Variants in AUTS2 observed in about 807,000 individuals in gnomAD.
AUTS2 encodes the protein activator of transcription and developmental regulator AUTS2.
AUTS2 carries 17 observed loss-of-function variants against 112.4 expected under a neutral mutation model. The ratio of observed to expected loss-of-function variants is 0.15; its 90% CI spans 0.10 to 0.23. The LOEUF is 0.23. Among genes scored for constraint, AUTS2 ranks in the 10% least tolerant of loss-of-function variants. The pLI is 1.00. For missense variants in AUTS2, 1,510 were observed against 1,701.6 expected (o/e 0.89, Z 1.98); for synonymous variants, 751 against 702.7 (o/e 1.07, Z -1.09).
chr7:70,752,326 T>C (rs912628220), intron 6 of AUTS2, among the ~76,000 whole-genome samples: 2 of 152,188 alleles, frequency 1.3e-5, no homozygotes, highest in Non-Finnish European at 2.9e-5. Flanking sequence ...GGAGTTTTCC[T>C]GTGTTCTTGG....
At chr7:70,775,207 A>G in intron 12 of AUTS2, 150 bp from the exon 13 acceptor site, 1 of 686,024 alleles carries the variant, frequency 1.5e-6, no homozygotes, top group Non-Finnish European at 2.5e-6. Context: ...ATAGTGTGAA[A>G]ATGGGTTAAT....
chr7:70,243,258 TG>T, intron 4 of AUTS2, among the ~76,000 whole-genome samples: 1 of 151,268 alleles, frequency 6.6e-6, no homozygotes, highest in Non-Finnish European at 1.5e-5. Context: ...TGTGTGTGTG[TG>T]TGTGTGTGTG....
intron 1 of AUTS2, among the ~76,000 whole-genome samples, chr7:69,804,595 T>A (rs1019227732): frequency 1.3e-5 from 2 of 152,230 alleles, no homozygotes; most frequent in Non-Finnish European, 2.9e-5. Context: ...CAGACTTTGC[T>A]TTATCATTCT....
chr7:69,656,779 T>C (rs1795561067), intron 1 of AUTS2, among the ~76,000 whole-genome samples: 1 of 152,206 alleles, frequency 6.6e-6, no homozygotes, highest in Non-Finnish European at 1.5e-5. Flanking sequence ...ATGTGGCTTC[T>C]GTGGGCATAT....
chr7:70,522,692 AT>A (rs1249840258), intron 5 of AUTS2, among the ~76,000 whole-genome samples: 2 of 152,104 alleles, frequency 1.3e-5, no homozygotes, highest in Non-Finnish European at 2.9e-5. Flanking sequence ...CATTTTCTTT[AT>A]CCAGTCCACT....
intron 4 of AUTS2, among the ~76,000 whole-genome samples, chr7:70,424,619 C>G (rs1795356062): frequency 6.6e-6 from 1 of 152,106 alleles, no homozygotes; most frequent in Admixed American, 6.5e-5. Flanking sequence ...CAGGGTCTCT[C>G]TCTGTCACCC....
At chr7:70,606,863 GA>G (rs35779844) in intron 5 of AUTS2, among the ~76,000 whole-genome samples, 15,997 of 89,412 alleles carry the variant, frequency 0.18, 971 homozygotes, top group Middle Eastern at 0.27. Context: ...TCTGTCTCAA[GA>G]AAAAAAAAAA....
intron 1 of AUTS2, among the ~76,000 whole-genome samples, chr7:69,883,099 G>T (rs892442039): frequency 1.3e-5 from 2 of 152,134 alleles, no homozygotes; most frequent in Non-Finnish European, 1.5e-5. Flanking sequence ...AAAGCCAGAA[G>T]GTGGGAAAGC....
At chr7:70,528,819 A>C (rs960022389) in intron 5 of AUTS2, among the ~76,000 whole-genome samples, 1 of 150,784 alleles carries the variant, frequency 6.6e-6, no homozygotes, top group Admixed American at 6.6e-5. Context: ...AAAAAAAAAA[A>C]GGAGTATGCC....
intron 5 of AUTS2, among the ~76,000 whole-genome samples, chr7:70,634,857 G>A (rs913533042): frequency 3.3e-5 from 5 of 152,200 alleles, no homozygotes; most frequent in Non-Finnish European, 7.3e-5. Flanking sequence ...TGCACATTGC[G>A]GAAACTGTTA....
intron 4 of AUTS2, among the ~76,000 whole-genome samples, chr7:70,281,471 A>T (rs1354415735): frequency 6.6e-6 from 1 of 152,194 alleles, no homozygotes; most frequent in Non-Finnish European, 1.5e-5. Context: ...TGCTGTAGAA[A>T]GTTTTCTTCT....
intron 1 of AUTS2, among the ~76,000 whole-genome samples, chr7:69,823,188 C>T (rs1341808830): frequency 6.6e-6 from 1 of 152,202 alleles, no homozygotes; most frequent in African/African-American, 2.4e-5. Context: ...TCTCCCTTGT[C>T]TTTGTCCCGT....
intron 1 of AUTS2, among the ~76,000 whole-genome samples, chr7:69,707,170 G>A (rs539698553): frequency 6.6e-6 from 1 of 152,274 alleles, no homozygotes; most frequent in Non-Finnish European, 1.5e-5. Context: ...GATTAGCAGT[G>A]GGTCCATTGG....
intron 1 of AUTS2, among the ~76,000 whole-genome samples, chr7:69,647,535 T>C (rs933313918): frequency 2.0e-5 from 3 of 152,142 alleles, no homozygotes; most frequent in Middle Eastern, 3.2e-3. Flanking sequence ...TTAAATTTTT[T>C]TCTAGAGATG....
chr7:69,897,104 G>T (rs1191990745), intron 1 of AUTS2, among the ~76,000 whole-genome samples: 1 of 152,126 alleles, frequency 6.6e-6, no homozygotes, highest in African/African-American at 2.4e-5. Context: ...CATGTACTGG[G>T]CACACAAAAC....
intron 2 of AUTS2, among the ~76,000 whole-genome samples, chr7:69,936,440 C>T (rs1168366000): frequency 6.6e-6 from 1 of 152,110 alleles, no homozygotes; most frequent in Non-Finnish European, 1.5e-5. Context: ...AGCTCCACCT[C>T]CTGGGTTCAC....
intron 1 of AUTS2, among the ~76,000 whole-genome samples, chr7:69,766,199 T>C (rs375642050): frequency 1.3e-5 from 2 of 152,236 alleles, no homozygotes; most frequent in South Asian, 2.1e-4. Context: ...TGGAATCATA[T>C]AGTGTTTGTC....
intron 5 of AUTS2, among the ~76,000 whole-genome samples, chr7:70,670,011 A>C (rs1294596892): frequency 6.6e-6 from 1 of 152,188 alleles, no homozygotes; most frequent in African/African-American, 2.4e-5. Flanking sequence ...ACTCTTCAAC[A>C]AAACAGAGGT....
intron 4 of AUTS2, among the ~76,000 whole-genome samples, chr7:70,269,886 A>G (rs190968370): frequency 6.6e-6 from 1 of 152,308 alleles, no homozygotes; most frequent in Non-Finnish European, 1.5e-5. Flanking sequence ...TAAAAAACAG[A>G]ATTGAGGCCA....
Sources: allele counts gnomAD v4.1 joint callset (sites outside exome capture counted in the v4.1 genomes callset), GRCh38; gene constraint gnomAD v4.1.1; transcripts MANE v1.5; gene names NCBI Gene and HGNC (gene_info 2026-07-23, HGNC 2026-07-21).